Variants in DERA observed in about 807,000 individuals in gnomAD.
The protein encoded by DERA is deoxyribose-phosphate aldolase.
A neutral mutation model predicts 41.1 loss-of-function variants in DERA; 15 were observed. That is an observed-to-expected ratio of 0.37 (90% CI 0.24 to 0.56). DERA has a LOEUF of 0.56. DERA is among the 20% of genes least tolerant of loss of function. The pLI is 0.81. For synonymous variants in DERA, 139 were observed against 137.4 expected, an observed-to-expected ratio of 1.01 and a Z score of -0.08; for missense variants, 396 against 403.4, an observed-to-expected ratio of 0.98 and a Z score of 0.16.
At chr12:15,971,040 C>T (rs908765790) in intron 5 of DERA, among the ~76,000 whole-genome samples, 2 of 152,196 alleles carry the variant, frequency 1.3e-5, no homozygotes, top group Non-Finnish European at 2.9e-5. Context: ...ACAGATTGAT[C>T]ACTATGACAG....
intron 7 of DERA, among the ~76,000 whole-genome samples, chr12:16,033,391 G>A (rs1361139102): frequency 6.6e-6 from 1 of 152,164 alleles, no homozygotes; most frequent in African/African-American, 2.4e-5. Context: ...GCTGAGGAGG[G>A]TGTATACTAG....
In DERA at chr12:15,931,775, G is replaced by A. The variant is rs928222467; in HGVS notation, c.31+20361G>A. Among the ~76,000 whole-genome samples the A allele has an allele frequency of 6.6e-6, 1 of 152,086 alleles. No individual in the cohort carries two copies. Among genetic ancestry groups the A allele is most frequent in the Non-Finnish European group, 1.5e-5 (1 of 67,980 alleles). On this transcript the variant is annotated intron_variant, in intron 1 of 8. Transcript: ENST00000428559. This position sits in a 1 kb window ranked among gnomAD's most constrained non-coding sequence, Gnocchi z 4.6. Reference sequence around the variant, plus strand: ...TATGCTCTCTCTGGGGAGGGAGTGGGTGAGTGAGTTCTTGCTCTCTTGGGA... The same window carrying A: ...TATGCTCTCTCTGGGGAGGGAGTGGATGAGTGAGTTCTTGCTCTCTTGGGA...
At chr12:15,933,167 TC>T (rs1948341522) in intron 1 of DERA, among the ~76,000 whole-genome samples, 1 of 152,204 alleles carries the variant, frequency 6.6e-6, no homozygotes, top group Non-Finnish European at 1.5e-5. Flanking sequence ...TGACTTCACT[TC>T]CTTTGGATAT....
chr12:15,964,035 G>A (rs1218134929), intron 5 of DERA, among the ~76,000 whole-genome samples: 3 of 152,180 alleles, frequency 2.0e-5, no homozygotes, highest in African/African-American at 7.2e-5. Context: ...TTTCAGGGGT[G>A]TGTGGCAGCT....
At chr12:15,948,088 G>C (rs757034741) in intron 1 of DERA, among the ~76,000 whole-genome samples, 1 of 152,204 alleles carries the variant, frequency 6.6e-6, no homozygotes, top group Non-Finnish European at 1.5e-5. Context: ...TGTCTGATGG[G>C]CTTCCCTTTA....
At position 15,982,598 on chromosome 12, in the gene DERA, T is replaced by A. The variant is rs1350681929; in HGVS notation, c.637+162T>A. Among the ~76,000 whole-genome samples, 1 of 152,222 alleles carries A rather than the reference T, an allele frequency of 6.6e-6. No individual in the cohort carries two copies. Among genetic ancestry groups the A allele is most frequent in the Admixed American group, 6.5e-5 (1 of 15,282 alleles). On this transcript the variant is annotated intron_variant, in intron 6 of 8. Transcript: ENST00000428559. This position sits in a 1 kb window ranked among gnomAD's most constrained non-coding sequence, Gnocchi z 4.0. ...TAAAAACATGTTCAATGTGAAGTGG[T>A]CAAAAACTCCTGGCTTTCTTCCACA...
At chr12:15,932,431 C>G (rs369334117) in intron 1 of DERA, among the ~76,000 whole-genome samples, 2 of 152,074 alleles carry the variant, frequency 1.3e-5, no homozygotes, top group Non-Finnish European at 2.9e-5. Flanking sequence ...GGGAAGATCA[C>G]TTGAGTCCAG....
chr12:15,992,411 G>T lies in DERA; in HGVS notation c.637+9975G>T, dbSNP rs570051192. Among the ~76,000 whole-genome samples, 2 of 152,066 alleles carry T rather than the reference G, an allele frequency of 1.3e-5. No individual in the cohort carries two copies. The highest frequency in any genetic ancestry group is 2.9e-5 in the Non-Finnish European group (2 of 67,962). On this transcript the variant is annotated intron_variant, in intron 6 of 8. Transcript: ENST00000428559. This position sits in a 1 kb window ranked among gnomAD's most constrained non-coding sequence, Gnocchi z 4.3. The stretch of plus-strand genomic sequence containing the variant: ...TATTGTATTTCTAAAGCAATGTAAG[G>T]TATGACAAGGATATTAATGATCTGT...
intron 3 of DERA, 34 bp downstream of exon 3, chr12:15,958,369 A>C: frequency 6.4e-7 from 1 of 1,553,416 alleles, no homozygotes; most frequent in East Asian, 2.3e-5. Flanking sequence ...TGTGGTGTTT[A>C]GTGCTTACAA....
intron 6 of DERA, among the ~76,000 whole-genome samples, chr12:16,031,473 C>T (rs1949091950): frequency 6.6e-6 from 1 of 152,136 alleles, no homozygotes; most frequent in African/African-American, 2.4e-5. Context: ...ACACAAATCA[C>T]CTAGGAACTT....
chr12:15,949,402 G>T (rs1260158061), intron 1 of DERA, among the ~76,000 whole-genome samples: 2 of 152,084 alleles, frequency 1.3e-5, no homozygotes, highest in Non-Finnish European at 2.9e-5. Context: ...GCAATGGCAG[G>T]CACCCCTCCC....
At chr12:15,956,580 T>C in intron 1 of DERA, 1 of 368,736 alleles carries the variant, frequency 2.7e-6, no homozygotes, top group South Asian at 2.1e-5. Flanking sequence ...CAGTAAGTCT[T>C]TGCTCTCAGA....
rs996877246 is a variant in DERA, at chr12:15,995,867, C to G, written c.637+13431C>G. On this transcript the variant is annotated intron_variant, in intron 6 of 8. Transcript: ENST00000428559. This position sits in a 1 kb window ranked among gnomAD's most constrained non-coding sequence, Gnocchi z 5.1. ...ATTTTCCTGATAAAGGAAGATTTTT[C>G]TCTCTTAACTCAAAGTAGTAGGACT... Among the ~76,000 whole-genome samples, 2 of 152,134 alleles carry G rather than the reference C, an allele frequency of 1.3e-5. No individual in the cohort carries two copies. The highest frequency in any genetic ancestry group is 2.9e-5 in the Non-Finnish European group (2 of 68,032).
chr12:16,001,865 G>A lies in DERA; in HGVS notation c.637+19429G>A, dbSNP rs976084981. ...TGTTGAGAATTCAGGTGCTTTGGGAGCTTAGAGAGGAAACAAACCCCGGTA... is the reference window on the plus strand; with the variant it reads ...TGTTGAGAATTCAGGTGCTTTGGGAACTTAGAGAGGAAACAAACCCCGGTA... On this transcript the variant is annotated intron_variant, in intron 6 of 8. Transcript: ENST00000428559. This position sits in a 1 kb window ranked among gnomAD's most constrained non-coding sequence, Gnocchi z 4.1. Among the ~76,000 whole-genome samples, 1 of 152,146 alleles carries A rather than the reference G, an allele frequency of 6.6e-6. No homozygotes were observed. The highest frequency in any genetic ancestry group is 2.4e-5 in the African/African-American group (1 of 41,420).
At chr12:16,007,832 T>TTTTTG (rs1388225360) in intron 6 of DERA, among the ~76,000 whole-genome samples, 8 of 148,286 alleles carry the variant, frequency 5.4e-5, no homozygotes, top group African/African-American at 2.0e-4. Context: ...ATAATGCAGT[T>TTTTTG]TTTTGTTTTG....
rs145593381 is a variant in DERA at position 15,969,480 on chromosome 12, G to A, written c.508+6533G>A. ...GGCTAGGATTGTCTGACATTCTGCA[G>A]CATCTTATGTTCAATGGGCAATTGG... On this transcript the variant is annotated intron_variant, in intron 5 of 8. Transcript: ENST00000428559. Among the ~76,000 whole-genome samples the A allele has an allele frequency of 5.5e-3, 831 of 152,306 alleles. 9 individuals carry two copies. Among genetic ancestry groups the A allele is most frequent in the African/African-American group, 0.019 (803 of 41,558 alleles).
At position 15,959,087 on chromosome 12, in the gene DERA, C is replaced by G. The variant is rs1270954612; in HGVS notation, c.278-742C>G. 6.6e-6 allele frequency among the ~76,000 whole-genome samples: 1 copy of G among 152,018 alleles called. No individual in the cohort carries two copies. The highest frequency in any genetic ancestry group is 2.4e-5 in the African/African-American group (1 of 41,362). ...GTGCAACTGGAGACGTTGAATTGGC[C>G]CAATGCAGGTCTTTTATCCCAAATA... On this transcript the variant is annotated intron_variant, in intron 3 of 8. Coordinates refer to ENST00000428559, the MANE Select transcript of DERA (RefSeq NM_015954.4). The surrounding 1 kb of genome is among the most constrained non-coding windows in gnomAD (Gnocchi z 4.5).
At chr12:16,016,328 G>T (rs935447935) in intron 6 of DERA, among the ~76,000 whole-genome samples, 1 of 152,134 alleles carries the variant, frequency 6.6e-6, no homozygotes, top group Admixed American at 6.5e-5. Flanking sequence ...AAGGGGAGAA[G>T]TGCAGCATTA....
intron 5 of DERA, among the ~76,000 whole-genome samples, chr12:15,973,116 A>T (rs775629023): frequency 7.9e-5 from 12 of 151,814 alleles, no homozygotes; most frequent in Non-Finnish European, 1.6e-4. Context: ...TCAGGTTATG[A>T]CCTCTACTTC....
Sources: gnomAD v4.1 joint callset for allele counts (sites outside exome capture counted in the v4.1 genomes callset) on GRCh38, gnomAD v4.1.1 for gene constraint, Gnocchi (gnomAD v3.1) non-coding constraint, MANE v1.5 for transcripts, NCBI Gene and HGNC (gene_info 2026-07-23, HGNC 2026-07-21) for gene names.